The following SYNE2 variants were observed in gnomAD, a reference collection of about 807,000 sequenced individuals.
The protein encoded by SYNE2 is spectrin repeat containing nuclear envelope protein 2.
A neutral mutation model predicts 856.3 loss-of-function variants in SYNE2; 431 were observed. The ratio of observed to expected loss-of-function variants is 0.50; its 90% confidence interval spans 0.47 to 0.55. The LOEUF (loss-of-function observed/expected upper bound fraction) is 0.55, where lower values mean the gene tolerates loss of function less well. Among genes scored for constraint, SYNE2 ranks in the 20% least tolerant of loss-of-function variants. SYNE2 has a pLI of 0.00. For missense variants in SYNE2, 8,129 were observed against 8,023.2 expected (o/e 1.01, Z -0.50); for synonymous variants, 2,923 against 2,872.3 (o/e 1.02, Z -0.56).
In SYNE2 at chr14:64,120,885, T is replaced by C. The variant is rs756425600; in HGVS notation, c.13024-42T>C. The C allele has an allele frequency of 1.9e-6, 3 of 1,610,788 alleles. No homozygotes were observed. The Admixed American group carries it at 5.0e-5, about 27-fold the overall frequency. On this transcript the variant is annotated intron_variant, in intron 67 of 115. Transcript: ENST00000555002. ...TAGAATTGAGATAAAGTGGAGTTTA[T>C]TTTTAAAAATAAATAGCCTGCCATT...
rs762347655 is a variant in SYNE2 at position 63,998,968 on chromosome 14, G to T, written c.3408G>T (p.Arg1136Ser). 60 of 1,613,814 alleles carry T rather than the reference G, an allele frequency of 3.7e-5. No homozygotes were observed. Among genetic ancestry groups the T allele is most frequent in the Admixed American group, 2.2e-4 (13 of 59,996 alleles). ...ACCACCTGCAAAACAACAAATTCAGGATTACTTCTGATTTCTCTAGTGAAG... is the reference window on the plus strand; with the variant it reads ...ACCACCTGCAAAACAACAAATTCAGTATTACTTCTGATTTCTCTAGTGAAG... ...LEHHLQNNKFRITSDFSSEED... is the reference protein window; with the variant it reads ...LEHHLQNNKFSITSDFSSEED... The change falls in exon 27 of 116, where the codon AGG (arginine) becomes AGT (serine). Residue 1136 changes from arginine (R) to serine (S), a missense_variant. Transcript: ENST00000555002.
chr14:64,152,642 G>A lies in SYNE2; in HGVS notation c.15718G>A (p.Ala5240Thr). 1 of 1,614,100 alleles carries A rather than the reference G, an allele frequency of 6.2e-7. No homozygotes were observed. Among genetic ancestry groups the A allele is most frequent in the Non-Finnish European group, 8.5e-7 (1 of 1,180,002 alleles). ...KQSYLTLESGAVPLLEDTASR... is the reference protein window; with the variant it reads ...KQSYLTLESGTVPLLEDTASR... Reference sequence around the variant, plus strand: ...AAGTTATCTGACTTTGGAGAGTGGGGCAGTGCCATTGTTAGAAGATACAGC... The same window carrying A: ...AAGTTATCTGACTTTGGAGAGTGGGACAGTGCCATTGTTAGAAGATACAGC... The change falls in exon 85 of 116, where the codon GCA (alanine) becomes ACA (threonine). Residue 5240 changes from alanine (A) to threonine (T), a missense_variant. Ala to Thr is a moderately conservative substitution (Grantham distance 58, BLOSUM62 0). This residue lies in a region of SYNE2 where 5,410 missense variants were observed against 5,284.8 expected (regional missense o/e 1.02). Coordinates refer to ENST00000555002, the MANE Select transcript of SYNE2 (RefSeq NM_182914.3).
chr14:63,979,422 A>G (rs1255897), intron 14 of SYNE2, among the ~76,000 whole-genome samples: 80,214 of 152,084 alleles, frequency 0.53, 22,384 homozygotes, highest in African/African-American at 0.72. Flanking sequence ...AATTTTACTA[A>G]CTAGGATAAA....
intron 99 of SYNE2, chr14:64,190,930 G>T (rs970026909): frequency 1.4e-6 from 1 of 701,548 alleles, no homozygotes; most frequent in Non-Finnish European, 2.6e-6. Context: ...ACTCCAGGTG[G>T]ATGTTTTTTC....
At chr14:63,792,760 G>A (rs1411195951) in intron 1 of SYNE2, among the ~76,000 whole-genome samples, 1 of 151,864 alleles carries the variant, frequency 6.6e-6, no homozygotes, top group African/African-American at 2.4e-5. Context: ...CAACCTCCCA[G>A]GCTCAAGTGA....
chr14:64,037,307 C>A (rs943084631), intron 45 of SYNE2, among the ~76,000 whole-genome samples: 1 of 151,352 alleles, frequency 6.6e-6, no homozygotes, highest in Non-Finnish European at 1.5e-5. Flanking sequence ...TCCCTGGGTA[C>A]TTGAGATTAG....
intron 1 of SYNE2, among the ~76,000 whole-genome samples, chr14:63,888,571 C>T (rs1324379554): frequency 6.6e-6 from 1 of 152,098 alleles, no homozygotes; most frequent in African/African-American, 2.4e-5. Flanking sequence ...TGACAATGGC[C>T]GGGAATCAAG....
intron 6 of SYNE2, among the ~76,000 whole-genome samples, chr14:63,948,247 A>C (rs2096068979): frequency 6.6e-6 from 1 of 152,176 alleles, no homozygotes. Context: ...GAAACATTTT[A>C]GAAAAAAATT....
At chr14:63,974,047 TAGTG>T (rs2096506724) in intron 11 of SYNE2, among the ~76,000 whole-genome samples, 3 of 152,198 alleles carry the variant, frequency 2.0e-5, no homozygotes, top group Admixed American at 1.3e-4. Flanking sequence ...CTGGGCAACA[TAGTG>T]AGACCTTGTC....
chr14:64,037,072 T>C (rs541773618), intron 45 of SYNE2, among the ~76,000 whole-genome samples: 91 of 151,704 alleles, frequency 6.0e-4, no homozygotes, highest in Non-Finnish European at 1.1e-3. Context: ...AAGTGTCAGT[T>C]GGAGTTAACA....
chr14:64,097,799 G>A, intron 61 of SYNE2, 150 bp from the exon 62 acceptor site: 1 of 754,712 alleles, frequency 1.3e-6, no homozygotes. Context: ...AGGATGGAAA[G>A]GAGCTATACC....
intron 58 of SYNE2, among the ~76,000 whole-genome samples, 195 bp from the exon 59 acceptor site, chr14:64,089,369 GAAAAAAAAAA>G (rs57358817): frequency 2.4e-4 from 12 of 50,476 alleles, no homozygotes; most frequent in African/African-American, 5.6e-4. Context: ...TCCGTCTCAG[GAAAAAAAAAA>G]AAAAAAAAAA....
At chr14:63,873,221 T>G (rs1243142631) in intron 1 of SYNE2, among the ~76,000 whole-genome samples, 1 of 152,168 alleles carries the variant, frequency 6.6e-6, no homozygotes, top group Non-Finnish European at 1.5e-5. Context: ...AGTACATAAG[T>G]AGAATTGTCT....
At chr14:64,008,791 C>T (rs547468670) in intron 31 of SYNE2, among the ~76,000 whole-genome samples, 1 of 152,240 alleles carries the variant, frequency 6.6e-6, no homozygotes, top group East Asian at 1.9e-4. Context: ...CTCACCATCC[C>T]GCTTTGTTTC....
intron 1 of SYNE2, among the ~76,000 whole-genome samples, chr14:63,861,957 C>CA (rs1460122411): frequency 6.6e-6 from 1 of 152,150 alleles, no homozygotes; most frequent in Non-Finnish European, 1.5e-5. Context: ...TGTACTATTG[C>CA]ATAACGATTA....
At chr14:63,902,617 T>C (rs894002222) in intron 1 of SYNE2, among the ~76,000 whole-genome samples, 2 of 152,008 alleles carry the variant, frequency 1.3e-5, no homozygotes, top group African/African-American at 4.8e-5. Context: ...TTTCGGTTGC[T>C]AGAGACCCGG....
At chr14:63,783,531 C>T (rs1887403258) in intron 1 of SYNE2, among the ~76,000 whole-genome samples, 2 of 152,132 alleles carry the variant, frequency 1.3e-5, no homozygotes, top group African/African-American at 4.8e-5. Context: ...GCGCACGCCA[C>T]GACGGTCTCG....
chr14:64,209,303 C>G, intron 101 of SYNE2, 125 bp from the exon 102 acceptor site: 1 of 1,498,228 alleles, frequency 6.7e-7, no homozygotes, highest in South Asian at 1.2e-5. Flanking sequence ...TGGCGTCCCT[C>G]TTATTTCCCA....
At chr14:63,778,213 C>G (rs1887178285) in intron 1 of SYNE2, among the ~76,000 whole-genome samples, 1 of 152,106 alleles carries the variant, frequency 6.6e-6, no homozygotes, top group Non-Finnish European at 1.5e-5. Flanking sequence ...AGGCAGTTTT[C>G]CCTGCTCTTG....
Sources: allele counts gnomAD v4.1 joint callset (sites outside exome capture counted in the v4.1 genomes callset), GRCh38; gene constraint gnomAD v4.1.1; regional missense constraint gnomAD v4.1.1; transcripts MANE v1.5; gene names NCBI Gene and HGNC (gene_info 2026-07-23, HGNC 2026-07-21).